MYO5B: variants seen among roughly 807,000 people sequenced by gnomAD.
The protein encoded by MYO5B is myosin VB, also known as unconventional myosin-Vb.
In MYO5B, 143 loss-of-function variants were observed where a neutral mutation model predicts 229.3. The ratio of observed to expected loss-of-function variants is 0.62; its 90% CI spans 0.54 to 0.72. The LOEUF is 0.72. Among genes scored for constraint, MYO5B ranks in the 30% least tolerant of loss-of-function variants. The pLI, the probability that MYO5B is intolerant of heterozygous loss-of-function variation, is 0.00. For synonymous variants in MYO5B, 918 were observed against 885.2 expected (o/e 1.04, Z -0.66); for missense variants, 2,321 against 2,331.0 (o/e 1.00, Z 0.09).
At chr18:49,987,038 T>C (rs963834425) in intron 7 of MYO5B, among the ~76,000 whole-genome samples, 4 of 152,166 alleles carry the variant, frequency 2.6e-5, no homozygotes, top group Admixed American at 6.5e-5. Flanking sequence ...TAGACTTTCA[T>C]ATTAGAGGGA....
intron 1 of MYO5B, among the ~76,000 whole-genome samples, chr18:50,162,275 T>C (rs1266958169): frequency 6.6e-6 from 1 of 152,206 alleles, no homozygotes; most frequent in African/African-American, 2.4e-5. Flanking sequence ...TTCAGAATCC[T>C]GAACCATCCC....
At chr18:50,055,602 T>C (rs2030529046) in intron 1 of MYO5B, among the ~76,000 whole-genome samples, 1 of 152,168 alleles carries the variant, frequency 6.6e-6, no homozygotes, top group African/African-American at 2.4e-5. Context: ...TAAAAGAACG[T>C]TGCAGATCAA....
intron 1 of MYO5B, among the ~76,000 whole-genome samples, chr18:50,145,139 A>G (rs2032479132): frequency 6.6e-6 from 1 of 152,120 alleles, no homozygotes. Context: ...CAAAATGGAA[A>G]AATTAGAAGG....
chr18:50,070,018 C>CTTTTTTTTTTTT (rs765610800), intron 1 of MYO5B, among the ~76,000 whole-genome samples: 1 of 110,064 alleles, frequency 9.1e-6, no homozygotes, highest in African/African-American at 3.8e-5. Flanking sequence ...GCAATTTAGT[C>CTTTTTTTTTTTT]TTTTTTTTTT....
intron 9 of MYO5B, among the ~76,000 whole-genome samples, chr18:49,975,291 C>T (rs886743183): frequency 1.3e-5 from 2 of 152,194 alleles, no homozygotes; most frequent in Admixed American, 6.5e-5. Flanking sequence ...GTTCCCTACT[C>T]TGTAAAATAA....
Position 49,980,256 on chromosome 18 carries a change from A to T in MYO5B, c.1056+188T>A, listed in dbSNP as rs141911319. 6.6e-5 allele frequency among the ~76,000 whole-genome samples: 10 copies of T among 152,366 alleles called. No individual in the cohort carries two copies. The East Asian group carries it at 1.9e-3, about 29-fold the overall frequency. Reference sequence around the variant, plus strand: ...CTACATTCCCTGTCCTCGGCAACAGAAACTTGATGGCAGCTGATTTTTAAA... The same window carrying T: ...CTACATTCCCTGTCCTCGGCAACAGTAACTTGATGGCAGCTGATTTTTAAA... On this transcript the variant is annotated intron_variant, in intron 9 of 39. Coordinates refer to ENST00000285039, the MANE Select transcript of MYO5B (RefSeq NM_001080467.3).
chr18:49,939,373 T>C (rs1485855008), intron 14 of MYO5B, among the ~76,000 whole-genome samples: 4 of 152,072 alleles, frequency 2.6e-5, no homozygotes, highest in Admixed American at 6.6e-5. Context: ...CTCGATCTCT[T>C]GACCTCGTGA....
chr18:49,862,485 G>C (rs1486942167), intron 29 of MYO5B, among the ~76,000 whole-genome samples: 1 of 152,204 alleles, frequency 6.6e-6, no homozygotes, highest in Non-Finnish European at 1.5e-5. Context: ...GCTGTCCCCA[G>C]TTCACAGATG....
intron 1 of MYO5B, among the ~76,000 whole-genome samples, chr18:50,150,799 A>G (rs1180122294): frequency 6.6e-6 from 1 of 152,152 alleles, no homozygotes; most frequent in African/African-American, 2.4e-5. Flanking sequence ...TAACCTGCAC[A>G]TTGTGCACAT....
At chr18:49,953,533 T>C (rs2025452028) in intron 13 of MYO5B, among the ~76,000 whole-genome samples, 190 bp from the exon 14 acceptor site, 1 of 152,214 alleles carries the variant, frequency 6.6e-6, no homozygotes, top group East Asian at 1.9e-4. Flanking sequence ...AGTATTCATT[T>C]TGTGGAAGAA....
chr18:49,853,839 C>T (rs901530379), intron 30 of MYO5B, among the ~76,000 whole-genome samples, 192 bp from the exon 31 acceptor site: 3 of 152,266 alleles, frequency 2.0e-5, no homozygotes, highest in African/African-American at 7.2e-5. Flanking sequence ...GTGTCCTCCT[C>T]TCAGATGATG....
intron 12 of MYO5B, among the ~76,000 whole-genome samples, chr18:49,957,004 C>T (rs955095114): frequency 6.6e-6 from 1 of 151,928 alleles, no homozygotes; most frequent in South Asian, 2.1e-4. Context: ...AATGGATGCA[C>T]AACCTTGTGA....
At chr18:49,864,921 G>A (rs1209832222) in intron 27 of MYO5B, among the ~76,000 whole-genome samples, 1 of 152,140 alleles carries the variant, frequency 6.6e-6, no homozygotes, top group East Asian at 1.9e-4. Flanking sequence ...CATATAGAAA[G>A]CCACCAACTG....
chr18:49,962,440 G>T, intron 11 of MYO5B, 34 bp from the exon 12 acceptor site: 1 of 1,613,950 alleles, frequency 6.2e-7, no homozygotes, highest in Non-Finnish European at 8.5e-7. Flanking sequence ...CGAGTGAACT[G>T]CAGGCACACC....
intron 24 of MYO5B, among the ~76,000 whole-genome samples, chr18:49,878,497 T>C (rs1378489775): frequency 6.6e-6 from 1 of 152,082 alleles, no homozygotes; most frequent in Non-Finnish European, 1.5e-5. Flanking sequence ...AATGTTTACA[T>C]GGGGTAAAAA....
intron 21 of MYO5B, among the ~76,000 whole-genome samples, chr18:49,898,201 T>TC (rs1365975700): frequency 6.6e-6 from 1 of 152,194 alleles, no homozygotes; most frequent in Admixed American, 6.5e-5. Flanking sequence ...TCTCATAAGG[T>TC]ACCCCTGTCA....
intron 39 of MYO5B, among the ~76,000 whole-genome samples, chr18:49,826,895 C>A (rs1197004152): frequency 6.6e-6 from 1 of 151,986 alleles, no homozygotes; most frequent in Non-Finnish European, 1.5e-5. Flanking sequence ...ATATAAAATA[C>A]ATCTCAGGTG....
At chr18:49,872,305 G>A (rs563531573) in intron 26 of MYO5B, 73 bp from the exon 27 acceptor site, 2 of 1,507,460 alleles carry the variant, frequency 1.3e-6, no homozygotes, top group African/African-American at 2.7e-5. Context: ...TCCAACTGTG[G>A]TCAAACTTGC....
rs1207936021 is a variant in MYO5B, at chr18:49,954,423, T to C, written c.1558A>G (p.Thr520Ala). The C allele has an allele frequency of 3.7e-6, 6 of 1,613,824 alleles. No individual in the cohort carries two copies. The highest frequency in any genetic ancestry group is 5.1e-6 in the Non-Finnish European group (6 of 1,179,936). Reference sequence around the variant, plus strand: ...AGCTTCTGAGCCCAGTTCTGGTCAGTTCCTTTGGGGACCTGCAGAACCACA... The same window carrying C: ...AGCTTCTGAGCCCAGTTCTGGTCAGCTCCTTTGGGGACCTGCAGAACCACA... The part of the protein sequence containing the change: ...LDEECKVPKG[T>A]DQNWAQKLYD... The change falls in exon 13 of 40, where the codon ACT becomes GCT. Residue 520 changes from threonine to alanine, a missense_variant. Physicochemically the swap from Thr to Ala is moderately conservative, Grantham distance 58. Around this residue, in one of 2 missense-constraint regions of MYO5B, gnomAD observed 2,113 missense variants for 2,044.7 expected, o/e 1.03. Coordinates refer to ENST00000285039, the MANE Select transcript of MYO5B (RefSeq NM_001080467.3).
Sources: allele counts gnomAD v4.1 joint callset (sites outside exome capture counted in the v4.1 genomes callset), GRCh38; gene constraint gnomAD v4.1.1; regional missense constraint gnomAD v4.1.1; transcripts MANE v1.5; gene names NCBI Gene and HGNC (gene_info 2026-07-23, HGNC 2026-07-21).